UGT1A9: variants seen among roughly 807,000 people sequenced by gnomAD.
The protein encoded by UGT1A9 is UDP glucuronosyltransferase family 1 member A9, also known as UDP-glucuronosyltransferase 1A9.
In UGT1A9, 35 loss-of-function variants were observed where a neutral mutation model predicts 45.0. That is an observed-to-expected ratio of 0.78 (90% confidence interval 0.59 to 1.03). The LOEUF is 1.03. Ranked by LOEUF, UGT1A9 falls within the 50% of genes least tolerant of loss-of-function variation. The pLI, the probability that UGT1A9 is intolerant of heterozygous loss-of-function variation, is 0.00. For missense variants in UGT1A9, 687 were observed against 666.6 expected, an observed-to-expected ratio of 1.03 and a Z score of -0.34; for synonymous variants, 278 against 250.6, an observed-to-expected ratio of 1.11 and a Z score of -1.03.
chr2:233,729,597 C>T (rs375083511), intron 1 of UGT1A9: 44 of 1,613,906 alleles, frequency 2.7e-5, no homozygotes, highest in East Asian at 1.8e-4. Context: ...TTAACCTCTG[C>T]GCGGCAGTGC....
chr2:233,720,402 G>T (rs569897948), intron 1 of UGT1A9, among the ~76,000 whole-genome samples: 13 of 152,218 alleles, frequency 8.5e-5, no homozygotes, highest in African/African-American at 3.1e-4. Context: ...TCAAGAGTGG[G>T]TGGAAGGGAC....
intron 1 of UGT1A9, among the ~76,000 whole-genome samples, chr2:233,763,758 G>C (rs1698394922): frequency 6.6e-6 from 1 of 152,148 alleles, no homozygotes; most frequent in South Asian, 2.1e-4. Flanking sequence ...TGTGTCTGAA[G>C]GAAAAGAGAT....
chr2:233,719,157 A>C (rs757422133), intron 1 of UGT1A9: 2 of 1,614,264 alleles, frequency 1.2e-6, no homozygotes, highest in Non-Finnish European at 1.7e-6. Context: ...ATATTCTAGA[A>C]GTATGGCAAT....
At position 233,761,942 on chromosome 2, in the gene UGT1A9, C is replaced by T. The variant is rs912615378; in HGVS notation, c.856-5092C>T. ...CAGCCCAGGCACTTCCCAGGTGCTG[C>T]GTCTGGCTCCCATTAAGGGGACTGA... On this transcript the variant is annotated intron_variant, in intron 1 of 4. Coordinates refer to ENST00000354728, the MANE Select transcript of UGT1A9 (RefSeq NM_021027.3). Among the ~76,000 whole-genome samples the T allele has an allele frequency of 2.6e-5, 4 of 152,302 alleles. No homozygotes were observed. The South Asian group carries it at 8.3e-4, about 32-fold the overall frequency.
intron 1 of UGT1A9, among the ~76,000 whole-genome samples, chr2:233,688,037 A>G (rs972225806): frequency 2.6e-5 from 4 of 152,244 alleles, no homozygotes; most frequent in African/African-American, 9.6e-5. Flanking sequence ...ATCTAATTCC[A>G]GATCATTTTC....
intron 1 of UGT1A9, among the ~76,000 whole-genome samples, chr2:233,699,874 G>A (rs1440765053): frequency 6.6e-6 from 1 of 152,096 alleles, no homozygotes; most frequent in African/African-American, 2.4e-5. Context: ...GACATTTTTG[G>A]TGTTGCAATT....
At chr2:233,754,973 G>T in intron 1 of UGT1A9, 1 of 1,299,560 alleles carries the variant, frequency 7.7e-7, no homozygotes, top group Non-Finnish European at 1.0e-6. Flanking sequence ...ACTCCCTGAA[G>T]ACCTCGGCGG....
At chr2:233,753,469 A>T (rs28900386) in intron 1 of UGT1A9, 9 of 152,358 alleles carry the variant, frequency 5.9e-5, no homozygotes, top group African/African-American at 1.9e-4. Flanking sequence ...TCTGTAAAAA[A>T]TTACCAGCAT....
intron 1 of UGT1A9, chr2:233,747,117 G>A: frequency 1.4e-6 from 2 of 1,451,680 alleles, no homozygotes; most frequent in Admixed American, 2.0e-5. Context: ...ATGATGATTT[G>A]CTAAGTGGCT....
chr2:233,769,790 G>A lies in UGT1A9; in HGVS notation c.1295+1351G>A. On this transcript the variant is annotated intron_variant, in intron 4 of 4. Transcript: ENST00000354728. The surrounding 1 kb of genome is among the most constrained non-coding windows in gnomAD (Gnocchi z 4.4). ...GGATTGCTTGAGCCCAGAAGTTGGA[G>A]GCTGCTATGAGCCGTGATCATGCCA... is the stretch of plus-strand genomic sequence containing the variant. 7.7e-7 allele frequency: 1 copy of A among 1,301,106 alleles called. No individual in the cohort carries two copies. Among genetic ancestry groups the A allele is most frequent in the Non-Finnish European group, 1.0e-6 (1 of 985,722 alleles). The allele number at this position is 1,301,106 out of a possible 1,614,324, so 80.6% of individuals were successfully genotyped here. A position where few individuals can be genotyped will look rare whatever the true frequency, so the allele number is the denominator to read the frequency against.
At chr2:233,673,136 C>T (rs1367777382) in intron 1 of UGT1A9, among the ~76,000 whole-genome samples, 2 of 152,078 alleles carry the variant, frequency 1.3e-5, no homozygotes, top group Non-Finnish European at 2.9e-5. Context: ...GTTTTGTGAA[C>T]ATTCTTTTAA....
chr2:233,772,733 G>A lies in UGT1A9; in HGVS notation c.*174G>A, dbSNP rs1019873826. 7 of 1,442,156 alleles carry A rather than the reference G, an allele frequency of 4.9e-6. No homozygotes were observed. Among genetic ancestry groups the A allele is most frequent in the Non-Finnish European group, 6.4e-6 (7 of 1,099,298 alleles). The allele number at this position is 1,442,156 out of a possible 1,614,324, so 89.3% of individuals were successfully genotyped here. A position where few individuals can be genotyped will look rare whatever the true frequency, so the allele number is the denominator to read the frequency against. ...TTAAATAAAAATAATAGACTCGCTA[G>A]TCAGTAAAGATATTTGAATATGTAT... On this transcript the variant is annotated 3_prime_UTR_variant, in exon 5 of 5. Coordinates refer to ENST00000354728, the MANE Select transcript of UGT1A9 (RefSeq NM_021027.3).
intron 1 of UGT1A9, among the ~76,000 whole-genome samples, chr2:233,766,243 G>T (rs1253047551): frequency 1.3e-5 from 2 of 152,008 alleles, no homozygotes; most frequent in Non-Finnish European, 2.9e-5. Flanking sequence ...GTTTCCCCTG[G>T]AGTCAGACCG....
intron 1 of UGT1A9, among the ~76,000 whole-genome samples, chr2:233,694,715 G>A (rs544812822): frequency 6.6e-6 from 1 of 152,114 alleles, no homozygotes; most frequent in Admixed American, 6.6e-5. Flanking sequence ...TACACCTGCT[G>A]ATTTCTCTGT....
chr2:233,772,289 C>T lies in UGT1A9; in HGVS notation c.1323C>T (p.Ser441=). Residue 441 remains serine (S), a synonymous_variant, in exon 5 of 5, where the codon TCC becomes TCT. Coordinates refer to ENST00000354728, the MANE Select transcript of UGT1A9 (RefSeq NM_021027.3). ...ACAAGGAGAACATCATGCGCCTCTC[C>T]AGCCTTCACAAGGACCGCCCGGTGG... is the stretch of plus-strand genomic sequence containing the variant. The part of the protein sequence containing the change: ...KSYKENIMRL[S]SLHKDRPVEP... The T allele has an allele frequency of 6.2e-7, 1 of 1,614,242 alleles. No homozygotes were observed. The highest frequency in any genetic ancestry group is 8.5e-7 in the Non-Finnish European group (1 of 1,180,054).
In UGT1A9 at chr2:233,672,053, C is replaced by A; in HGVS notation, c.119C>A (p.Thr40Asn). The change falls in exon 1 of 5, where the codon ACC becomes AAC. Residue 40 changes from threonine (T) to asparagine (N), a missense_variant. Transcript: ENST00000354728. ...CCCATGGATGGGAGCCACTGGTTCACCATGAGGTCGGTGGTGGAGAAACTC... is the reference window on the plus strand; with the variant it reads ...CCCATGGATGGGAGCCACTGGTTCAACATGAGGTCGGTGGTGGAGAAACTC... ...VVPMDGSHWF[T>N]MRSVVEKLIL... 1 of 1,614,098 alleles carries A rather than the reference C, an allele frequency of 6.2e-7. No homozygotes were observed. The highest frequency in any genetic ancestry group is 1.3e-5 in the African/African-American group (1 of 75,004).
chr2:233,697,561 CAATTT>C (rs2075398383), intron 1 of UGT1A9, among the ~76,000 whole-genome samples: 1 of 149,770 alleles, frequency 6.7e-6, no homozygotes, highest in Admixed American at 6.6e-5. Context: ...TATTTAGCCT[CAATTT>C]AATTTATTTT....
intron 1 of UGT1A9, among the ~76,000 whole-genome samples, chr2:233,698,043 G>A (rs1345367179): frequency 6.6e-6 from 1 of 152,102 alleles, no homozygotes. Flanking sequence ...TTTTCAAAAA[G>A]TTGTACTCAG....
intron 1 of UGT1A9, among the ~76,000 whole-genome samples, chr2:233,676,487 G>C (rs986266023): frequency 6.6e-6 from 1 of 152,174 alleles, no homozygotes; most frequent in African/African-American, 2.4e-5. Context: ...GACGCATAAT[G>C]ATGAGCTAAA....
Sources: allele counts gnomAD v4.1 joint callset (sites outside exome capture counted in the v4.1 genomes callset), GRCh38; gene constraint gnomAD v4.1.1; non-coding constraint Gnocchi (gnomAD v3.1); transcripts MANE v1.5; gene names NCBI Gene and HGNC (gene_info 2026-07-23, HGNC 2026-07-21).